The following NPFFR1 variants were observed in gnomAD, a reference collection of about 807,000 sequenced individuals.
NPFFR1 encodes the protein neuropeptide FF receptor 1.
NPFFR1 carries 17 observed loss-of-function variants against 12.7 expected under a neutral mutation model. The observed-to-expected ratio is 1.34, with a 90% confidence interval of 0.92 to 2.01. NPFFR1 has a LOEUF of 2.01. Among genes scored for constraint, NPFFR1 ranks in the 30% most tolerant of loss-of-function variants. The pLI is 0.00. For synonymous variants in NPFFR1, 296 were observed against 264.5 expected, an observed-to-expected ratio of 1.12 and a Z score of -1.16; for missense variants, 604 against 606.5, an observed-to-expected ratio of 1.00 and a Z score of 0.04.
Position 70,248,413 on chromosome 10 carries a change from G to A in NPFFR1, c.*6544C>T, listed in dbSNP as rs1840471783. ...TAGTTCCTGTCCTCATGGAGCTTAT[G>A]GTCCACTGTGAGAAATAAATAACAG... On this transcript the variant is annotated 3_prime_UTR_variant, in exon 4 of 4. Coordinates refer to ENST00000277942, the MANE Select transcript of NPFFR1 (RefSeq NM_022146.5). 1 of 149,864 alleles carries A rather than the reference G, an allele frequency of 6.7e-6. No individual in the cohort carries two copies. The highest frequency in any genetic ancestry group is 6.7e-5 in the Admixed American group (1 of 15,018). 9.3% of individuals were successfully genotyped at this position (149,864 alleles called of 1,614,324 possible). A position where few individuals can be genotyped will look rare whatever the true frequency, so the allele number is the denominator to read the frequency against.
At chr10:70,272,226 A>AAGAG (rs1229560013) in intron 1 of NPFFR1, among the ~76,000 whole-genome samples, 1 of 7,438 alleles carries the variant, frequency 1.3e-4, no homozygotes, top group Non-Finnish European at 2.5e-4. Flanking sequence ...GAAAGAAAGA[A>AAGAG]AGAAAGAAAG....
intron 3 of NPFFR1, among the ~76,000 whole-genome samples, chr10:70,256,924 A>T (rs1179991304): frequency 1.3e-5 from 2 of 152,212 alleles, no homozygotes; most frequent in Admixed American, 6.5e-5. Flanking sequence ...CAACCTAATT[A>T]GTCTAGAAAG....
intron 1 of NPFFR1, among the ~76,000 whole-genome samples, chr10:70,275,059 G>C (rs1840788692): frequency 6.6e-6 from 1 of 152,202 alleles, no homozygotes; most frequent in South Asian, 2.1e-4. Flanking sequence ...CTGCAAGCCT[G>C]ACCTCTTTTT....
At chr10:70,273,187 G>A (rs1325840911) in intron 1 of NPFFR1, among the ~76,000 whole-genome samples, 1 of 152,084 alleles carries the variant, frequency 6.6e-6, no homozygotes, top group African/African-American at 2.4e-5. Flanking sequence ...ATCTCTACAG[G>A]GTGGTAGGGA....
chr10:70,260,480 G>A (rs1006617859), intron 3 of NPFFR1, among the ~76,000 whole-genome samples, 160 bp downstream of exon 3: 1 of 152,174 alleles, frequency 6.6e-6, no homozygotes, highest in Admixed American at 6.5e-5. Context: ...TAGGGAGAGG[G>A]CAGCTGGGCC....
intron 1 of NPFFR1, among the ~76,000 whole-genome samples, chr10:70,276,640 T>C (rs1170252953): frequency 1.4e-5 from 2 of 142,644 alleles, no homozygotes; most frequent in Non-Finnish European, 3.0e-5. Context: ...CAAGCTGGAG[T>C]GCAGTGGCGC....
intron 1 of NPFFR1, among the ~76,000 whole-genome samples, chr10:70,267,677 A>G (rs1454781370): frequency 3.9e-5 from 6 of 152,224 alleles, no homozygotes; most frequent in Middle Eastern, 3.2e-3. Flanking sequence ...GTTGTGTCAT[A>G]AACTTTCCTC....
chr10:70,261,627 G>A (rs77723077), intron 2 of NPFFR1, among the ~76,000 whole-genome samples: 1,576 of 152,244 alleles, frequency 0.01, 24 homozygotes, highest in African/African-American at 0.032. Context: ...TGCTCCCATA[G>A]CCCTGTCTTG....
chr10:70,280,775 G>T (rs1006623002), intron 1 of NPFFR1, among the ~76,000 whole-genome samples: 1 of 152,056 alleles, frequency 6.6e-6, no homozygotes, highest in Admixed American at 6.6e-5. Flanking sequence ...GGGCCGAGGC[G>T]GGCAGATCAC....
Position 70,252,051 on chromosome 10 carries a change from CAG to C in NPFFR1, c.*2904_*2905del, listed in dbSNP as rs1251800499. 1.3e-5 allele frequency: 2 copies of C among 152,180 alleles called. No homozygotes were observed. The highest frequency in any genetic ancestry group is 4.8e-5 in the African/African-American group (2 of 41,430). 9.4% of individuals were successfully genotyped at this position (152,180 alleles called of 1,614,324 possible). A position where few individuals can be genotyped will look rare whatever the true frequency, so the allele number is the denominator to read the frequency against. On this transcript the variant is annotated 3_prime_UTR_variant, in exon 4 of 4. Transcript: ENST00000277942. ...GGGGTCTCTGTCCTCAGGATTCACA[CAG>C]GCACTATTGTCAGGAACTACTTCTA...
At chr10:70,278,609 A>C (rs941767317) in intron 1 of NPFFR1, among the ~76,000 whole-genome samples, 6 of 152,178 alleles carry the variant, frequency 3.9e-5, no homozygotes, top group South Asian at 2.1e-4. Context: ...GCTGCTATCA[A>C]ACCTTTCATA....
In NPFFR1 at chr10:70,269,359, G is replaced by A. The variant is rs139859750; in HGVS notation, c.8-2968C>T. The stretch of plus-strand genomic sequence containing the variant: ...TTTTGTAGAGATGAGGTCTCACTAC[G>A]TTGCCCAGGCTGGTCTTGAACTCTT... On this transcript the variant is annotated intron_variant, in intron 1 of 3. Transcript: ENST00000277942. Among the ~76,000 whole-genome samples the A allele has an allele frequency of 1.4e-4, 21 of 152,124 alleles. No homozygotes were observed. In the East Asian group the frequency reaches 3.1e-3, roughly 22 times the overall value.
At chr10:70,269,599 C>T (rs1262727174) in intron 1 of NPFFR1, among the ~76,000 whole-genome samples, 6 of 151,686 alleles carry the variant, frequency 4.0e-5, no homozygotes, top group African/African-American at 1.5e-4. Flanking sequence ...GCAACCTCTG[C>T]CTCCTGGGTT....
chr10:70,263,107 C>G (rs1840651094), intron 2 of NPFFR1, among the ~76,000 whole-genome samples: 1 of 152,058 alleles, frequency 6.6e-6, no homozygotes, highest in South Asian at 2.1e-4. Flanking sequence ...TTTGAGGTCA[C>G]AGTGAGCTAT....
Position 70,254,749 on chromosome 10 carries a change from C to A in NPFFR1, c.*208G>T, listed in dbSNP as rs1840543572. ...TGTTTGTCAAGCCCACCACACAGGG[C>A]AAGTTGGTTCCTTCCCGTCCCCCGC... On this transcript the variant is annotated 3_prime_UTR_variant, in exon 4 of 4. Coordinates refer to ENST00000277942, the MANE Select transcript of NPFFR1 (RefSeq NM_022146.5). The A allele has an allele frequency of 4.3e-6, 2 of 469,132 alleles. No homozygotes were observed. The highest frequency in any genetic ancestry group is 7.0e-6 in the Non-Finnish European group (2 of 284,486). The allele number at this position is 469,132 out of a possible 1,614,324, so 29.1% of individuals were successfully genotyped here.
intron 1 of NPFFR1, among the ~76,000 whole-genome samples, chr10:70,272,244 G>GAAAGAAAGAA (rs60571634): frequency 2.0e-4 from 13 of 64,474 alleles, no homozygotes; most frequent in Non-Finnish European, 3.1e-4. Flanking sequence ...AAGAAAGAAA[G>GAAAGAAAGAA]AAGAAAGAAG....
At chr10:70,276,212 G>A (rs573717425) in intron 1 of NPFFR1, among the ~76,000 whole-genome samples, 1 of 152,290 alleles carries the variant, frequency 6.6e-6, no homozygotes, top group East Asian at 1.9e-4. Flanking sequence ...CAGGCATACA[G>A]TGGCCAAAGG....
In NPFFR1 at chr10:70,255,802, G is replaced by C; in HGVS notation, c.448C>G (p.Arg150Gly). ...GCCTTCCGCAGGGTCAGCTTCTCGC[G>C]GAAAGGGTGCACGATGCAGCGGAAC... ...ERFRCIVHPF[R>G]EKLTLRKALV... Residue 150 changes from arginine (R) to glycine (G), a missense_variant, in exon 4 of 4, where the codon CGC becomes GGC. Transcript: ENST00000277942. The surrounding 1 kb of genome is among the most constrained non-coding windows in gnomAD (Gnocchi z 4.2). 1.2e-6 allele frequency: 2 copies of C among 1,609,916 alleles called. No homozygotes were observed. Among genetic ancestry groups the C allele is most frequent in the East Asian group, 2.2e-5 (1 of 44,704 alleles).
At chr10:70,278,102 T>G in intron 1 of NPFFR1, 1 of 459,414 alleles carries the variant, frequency 2.2e-6, no homozygotes, top group Non-Finnish European at 4.4e-6. Context: ...CCCTGAGTGA[T>G]AGAAAGTTCT....
Sources: allele counts gnomAD v4.1 joint callset (sites outside exome capture counted in the v4.1 genomes callset), GRCh38; gene constraint gnomAD v4.1.1; non-coding constraint Gnocchi (gnomAD v3.1); transcripts MANE v1.5; gene names NCBI Gene and HGNC (gene_info 2026-07-23, HGNC 2026-07-21).